Variants in TTC28 observed in about 807,000 individuals in gnomAD.
TTC28 encodes the protein tetratricopeptide repeat domain 28, also known as tetratricopeptide repeat protein 28.
A neutral mutation model predicts 198.0 loss-of-function variants in TTC28; 61 were observed. The ratio of observed to expected loss-of-function variants is 0.31; its 90% CI spans 0.25 to 0.38. TTC28 has a LOEUF of 0.38. Ranked by LOEUF, TTC28 falls within the 10% of genes least tolerant of loss-of-function variation. TTC28 has a pLI of 1.00. For synonymous variants in TTC28, 1,171 were observed against 1,297.8 expected, an observed-to-expected ratio of 0.90 and a Z score of 2.10; for missense variants, 2,678 against 3,164.0, an observed-to-expected ratio of 0.85 and a Z score of 3.69.
chr22:28,585,167 C>A (rs2050295587), intron 2 of TTC28, among the ~76,000 whole-genome samples: 1 of 152,088 alleles, frequency 6.6e-6, no homozygotes, highest in Non-Finnish European at 1.5e-5. Context: ...GGACCTGGGG[C>A]TGGGGAGATG....
At chr22:28,231,390 TG>T (rs2147229059) in intron 5 of TTC28, among the ~76,000 whole-genome samples, 1 of 152,386 alleles carries the variant, frequency 6.6e-6, no homozygotes, top group African/African-American at 2.4e-5. Flanking sequence ...GTTTTGTTTT[TG>T]TTTTTAAACA....
intron 12 of TTC28, among the ~76,000 whole-genome samples, chr22:28,060,362 C>G (rs1940473154): frequency 6.6e-6 from 1 of 152,102 alleles, no homozygotes; most frequent in Non-Finnish European, 1.5e-5. Context: ...GTTTTCTGTC[C>G]TTGTGACAGT....
intron 1 of TTC28, among the ~76,000 whole-genome samples, chr22:28,636,060 T>C (rs1007820798): frequency 6.6e-6 from 1 of 151,906 alleles, no homozygotes; most frequent in Non-Finnish European, 1.5e-5. Flanking sequence ...TATTTGTCTT[T>C]CTGTGTCTGG....
At chr22:28,342,563 T>C (rs1601660219) in intron 2 of TTC28, among the ~76,000 whole-genome samples, 2 of 149,202 alleles carry the variant, frequency 1.3e-5, no homozygotes, top group East Asian at 3.9e-4. Context: ...GTTATTTTGT[T>C]ACATAATTCT....
Position 28,259,500 on chromosome 22 carries a change from G to C in TTC28, c.933+36698C>G, listed in dbSNP as rs539329629. ...GAGTAACTGATGTTAGCCCAGAAAT[G>C]CTCGGGTATGTTACAAAACTATGAG... On this transcript the variant is annotated intron_variant, in intron 5 of 22. Transcript: ENST00000397906. Among the ~76,000 whole-genome samples, 56 of 151,972 alleles carry C rather than the reference G, an allele frequency of 3.7e-4. 1 individual carries two copies. In the South Asian group the frequency reaches 0.011, roughly 31 times the overall value.
At chr22:28,463,155 G>T (rs1319232444) in intron 2 of TTC28, among the ~76,000 whole-genome samples, 1 of 152,244 alleles carries the variant, frequency 6.6e-6, no homozygotes, top group Non-Finnish European at 1.5e-5. Context: ...GATGCTGAAA[G>T]AAGTTGAAAG....
chr22:28,013,009 C>T (rs1479483343), intron 14 of TTC28, among the ~76,000 whole-genome samples: 3 of 144,364 alleles, frequency 2.1e-5, no homozygotes, highest in African/African-American at 7.7e-5. Flanking sequence ...ACACCCTGTC[C>T]CCAAGCCAGA....
At chr22:28,317,645 A>T (rs910342102) in intron 2 of TTC28, among the ~76,000 whole-genome samples, 2 of 152,226 alleles carry the variant, frequency 1.3e-5, no homozygotes, top group Admixed American at 1.3e-4. Flanking sequence ...TGCTCTCATG[A>T]GCTCACTCCT....
At chr22:28,168,223 T>G (rs1335803311) in intron 5 of TTC28, among the ~76,000 whole-genome samples, 2 of 152,096 alleles carry the variant, frequency 1.3e-5, no homozygotes, top group African/African-American at 2.4e-5. Context: ...GAAGAATCAA[T>G]ATCGTGAAAA....
intron 1 of TTC28, among the ~76,000 whole-genome samples, chr22:28,655,474 A>G (rs2051630478): frequency 6.6e-6 from 1 of 152,226 alleles, no homozygotes; most frequent in African/African-American, 2.4e-5. Context: ...GTCTAATTCA[A>G]TAACTTTATT....
At chr22:28,595,652 G>A (rs991563381) in intron 2 of TTC28, among the ~76,000 whole-genome samples, 1 of 152,148 alleles carries the variant, frequency 6.6e-6, no homozygotes, top group Non-Finnish European at 1.5e-5. Context: ...GTGACCAGGC[G>A]CAGTGACTCA....
At chr22:28,068,674 T>A (rs1416207325) in intron 12 of TTC28, among the ~76,000 whole-genome samples, 1 of 152,186 alleles carries the variant, frequency 6.6e-6, no homozygotes, top group Non-Finnish European at 1.5e-5. Flanking sequence ...GTTCAGGGAA[T>A]TGTATGTAAG....
intron 2 of TTC28, among the ~76,000 whole-genome samples, chr22:28,378,469 G>T (rs2046446702): frequency 6.6e-6 from 1 of 151,808 alleles, no homozygotes; most frequent in Non-Finnish European, 1.5e-5. Context: ...AGACCAGCCT[G>T]GGCAACATAG....
At chr22:28,230,232 G>T (rs1928697822) in intron 5 of TTC28, among the ~76,000 whole-genome samples, 1 of 152,200 alleles carries the variant, frequency 6.6e-6, no homozygotes, top group African/African-American at 2.4e-5. Context: ...TATGTTATAT[G>T]AGAGATACAG....
At position 28,032,265 on chromosome 22, in the gene TTC28, ATAGTGT is replaced by A. The variant is rs1457596049; in HGVS notation, c.3933-1905_3933-1900del. 6.5e-5 allele frequency among the ~76,000 whole-genome samples: 6 copies of A among 91,690 alleles called. 1 individual carries two copies. The highest frequency in any genetic ancestry group is 2.2e-4 in the Admixed American group (2 of 8,952). 60.2% of individuals were successfully genotyped at this position (91,690 alleles called of 152,430 possible). A position where few individuals can be genotyped will look rare whatever the true frequency, so the allele number is the denominator to read the frequency against. ...ATATATATAAAATATATATATATAT[ATAGTGT>A]GTGTGTGTGTGTGTGTGTGTGTGTA... is the stretch of plus-strand genomic sequence containing the variant. On this transcript the variant is annotated intron_variant, in intron 12 of 22. Coordinates refer to ENST00000397906, the MANE Select transcript of TTC28 (RefSeq NM_001145418.2).
intron 2 of TTC28, among the ~76,000 whole-genome samples, chr22:28,359,446 A>G (rs2046126135): frequency 6.6e-6 from 1 of 152,222 alleles, no homozygotes; most frequent in Non-Finnish European, 1.5e-5. Context: ...ACTTAATCTA[A>G]TAATCCACTT....
At chr22:28,340,016 T>C (rs1036517625) in intron 2 of TTC28, among the ~76,000 whole-genome samples, 1 of 152,172 alleles carries the variant, frequency 6.6e-6, no homozygotes, top group Non-Finnish European at 1.5e-5. Flanking sequence ...GCTGTTCCTA[T>C]TCGGCCATGT....
intron 5 of TTC28, among the ~76,000 whole-genome samples, chr22:28,243,444 T>A (rs1929838707): frequency 6.6e-6 from 1 of 150,544 alleles, no homozygotes; most frequent in Non-Finnish European, 1.5e-5. Context: ...CGTTTTTCTG[T>A]GTGTTTTTAT....
At chr22:28,265,133 C>A (rs1400188795) in intron 5 of TTC28, among the ~76,000 whole-genome samples, 1 of 152,102 alleles carries the variant, frequency 6.6e-6, no homozygotes. Context: ...ATTTATGAAT[C>A]CTGTGCTCAT....
Sources: gnomAD v4.1 joint callset for allele counts (sites outside exome capture counted in the v4.1 genomes callset) on GRCh38, gnomAD v4.1.1 for gene constraint, MANE v1.5 for transcripts, NCBI Gene and HGNC (gene_info 2026-07-23, HGNC 2026-07-21) for gene names.